CPPED1: variants seen among roughly 807,000 people sequenced by gnomAD.
The protein encoded by CPPED1 is serine/threonine-protein phosphatase CPPED1.
Under a neutral mutation model 28.0 loss-of-function variants are expected in CPPED1, and 28 were observed. The ratio of observed to expected loss-of-function variants is 1.00; its 90% CI spans 0.74 to 1.37. CPPED1 has a LOEUF of 1.37. Ranked by LOEUF, CPPED1 falls within the 40% of genes most tolerant of loss-of-function variation. The pLI is 0.00. For missense variants in CPPED1, 504 were observed against 416.5 expected (o/e 1.21, Z -1.83); for synonymous variants, 198 against 180.2 (o/e 1.10, Z -0.79).
At position 12,704,867 on chromosome 16, in the gene CPPED1, C is replaced by T. The variant is rs145004672; in HGVS notation, c.472G>A (p.Val158Ile). 1,660 of 1,614,136 alleles carry T rather than the reference C, an allele frequency of 1.0e-3. 13 individuals are homozygous for T. In the African/African-American group the frequency reaches 0.016, roughly 15 times the overall value. Residue 158 changes from valine to isoleucine, a missense_variant, in exon 3 of 4, where the codon GTC becomes ATC. Val to Ile is a conservative substitution (Grantham distance 29, BLOSUM62 3). Transcript: ENST00000381774. ...TGGGAGTTGAGGACCAGGAACAGGACGCCCCCGACCCAGAAGCTGAAGTAG... is the reference window on the plus strand; with the variant it reads ...TGGGAGTTGAGGACCAGGAACAGGATGCCCCCGACCCAGAAGCTGAAGTAG... Reference protein sequence around the residue: ...DDYFSFWVGGVLFLVLNSQFY... With the variant: ...DDYFSFWVGGILFLVLNSQFY...
At chr16:12,681,611 G>A (rs1009186660) in intron 3 of CPPED1, among the ~76,000 whole-genome samples, 1 of 152,154 alleles carries the variant, frequency 6.6e-6, no homozygotes. Context: ...GAATGTGGGA[G>A]ATGGGGATGG....
intron 3 of CPPED1, among the ~76,000 whole-genome samples, chr16:12,698,532 A>G (rs1009319498): frequency 6.6e-6 from 1 of 152,058 alleles, no homozygotes; most frequent in Non-Finnish European, 1.5e-5. Context: ...CCAGGGTTCA[A>G]GCGATTCTTC....
intron 2 of CPPED1, among the ~76,000 whole-genome samples, chr16:12,742,155 G>C (rs559351766): frequency 6.6e-6 from 1 of 152,178 alleles, no homozygotes; most frequent in African/African-American, 2.4e-5. Flanking sequence ...ATGTGGAAAT[G>C]ACCATGATAC....
chr16:12,785,716 G>A (rs1288779381), intron 1 of CPPED1, among the ~76,000 whole-genome samples: 1 of 152,142 alleles, frequency 6.6e-6, no homozygotes, highest in Non-Finnish European at 1.5e-5. Context: ...TTATAGGCAT[G>A]AGCCACCACA....
chr16:12,734,352 G>C (rs1160914454), intron 2 of CPPED1, among the ~76,000 whole-genome samples: 2 of 151,246 alleles, frequency 1.3e-5, no homozygotes, highest in African/African-American at 4.9e-5. Context: ...TTACAGGCAT[G>C]AGTCACTGCA....
intron 2 of CPPED1, among the ~76,000 whole-genome samples, chr16:12,771,889 A>AAGGC (rs1170640173): frequency 5.3e-5 from 8 of 152,170 alleles, no homozygotes; most frequent in Admixed American, 5.2e-4. Context: ...TTGGGAGGCC[A>AAGGC]AGGCAGGTGC....
intron 2 of CPPED1, among the ~76,000 whole-genome samples, chr16:12,706,904 G>C (rs1479446997): frequency 1.3e-5 from 2 of 152,214 alleles, no homozygotes; most frequent in Non-Finnish European, 2.9e-5. Flanking sequence ...CTGAAGCCTA[G>C]TGGAGGGAGC....
At chr16:12,726,233 G>T (rs1374005238) in intron 2 of CPPED1, among the ~76,000 whole-genome samples, 1 of 151,710 alleles carries the variant, frequency 6.6e-6, no homozygotes, top group African/African-American at 2.4e-5. Context: ...GTAGAGATGG[G>T]GTATCACTGT....
intron 3 of CPPED1, among the ~76,000 whole-genome samples, chr16:12,681,638 A>G (rs1212063924): frequency 6.6e-6 from 1 of 152,206 alleles, no homozygotes; most frequent in African/African-American, 2.4e-5. Context: ...AGTGGCCTAG[A>G]AAACACCTAG....
intron 2 of CPPED1, among the ~76,000 whole-genome samples, chr16:12,764,004 C>T (rs571297384): frequency 1.3e-5 from 2 of 149,670 alleles, no homozygotes; most frequent in Admixed American, 6.7e-5. Flanking sequence ...GGTATTTAAA[C>T]ATTGTGTCTT....
In CPPED1 at chr16:12,661,969, C is replaced by T. The variant is rs1185672073; in HGVS notation, c.*2917G>A. 1 of 152,250 alleles carries T rather than the reference C, an allele frequency of 6.6e-6. No individual in the cohort carries two copies. The highest frequency in any genetic ancestry group is 2.4e-5 in the African/African-American group (1 of 41,448). The allele number at this position is 152,250 out of a possible 1,614,324, so 9.4% of individuals were successfully genotyped here. A position where few individuals can be genotyped will look rare whatever the true frequency, so the allele number is the denominator to read the frequency against. On this transcript the variant is annotated 3_prime_UTR_variant, in exon 4 of 4. Coordinates refer to ENST00000381774, the MANE Select transcript of CPPED1 (RefSeq NM_018340.3). ...TGGCTGAGCTGGTGCAACCTTTCAC[C>T]TCTGAGAAACGTTTTCCAAGACAGG... is the stretch of plus-strand genomic sequence containing the variant.
rs201377568 is a variant in CPPED1, at chr16:12,781,296, C to A, written c.178G>T (p.Glu60Ter). ...STGDCDNGGD[E>*]WEQEIRLTEQ... ...GTTAGACGGATCTCCTGTTCCCATT[C>A]GTCACCGCCATTGTCACAGTCCCCA... Residue 60 changes from glutamate to a stop codon, truncating the protein, a stop_gained, in exon 2 of 4, where the codon GAA becomes TAA. Transcript: ENST00000381774. LOFTEE classifies it high-confidence loss of function. 2 of 1,614,002 alleles carry A rather than the reference C, an allele frequency of 1.2e-6. No homozygotes were observed. Among genetic ancestry groups the A allele is most frequent in the Non-Finnish European group, 1.7e-6 (2 of 1,180,026 alleles).
At chr16:12,690,339 C>T in intron 3 of CPPED1, among the ~76,000 whole-genome samples, 1 of 150,306 alleles carries the variant, frequency 6.7e-6, no homozygotes, top group South Asian at 2.1e-4. Context: ...CACGGTGAAA[C>T]CCAGTCTTTA....
intron 3 of CPPED1, among the ~76,000 whole-genome samples, chr16:12,676,275 G>T (rs1238866936): frequency 1.3e-5 from 2 of 152,174 alleles, no homozygotes; most frequent in African/African-American, 2.4e-5. Flanking sequence ...CTTGGTGCCA[G>T]GTATTAAGGA....
At chr16:12,766,994 G>C (rs1207833154) in intron 2 of CPPED1, among the ~76,000 whole-genome samples, 1 of 131,612 alleles carries the variant, frequency 7.6e-6, no homozygotes, top group African/African-American at 3.0e-5. Flanking sequence ...TGGTTGCTCA[G>C]AGGTCCTCAT....
At chr16:12,680,812 C>T (rs369152334) in intron 3 of CPPED1, among the ~76,000 whole-genome samples, 9 of 152,176 alleles carry the variant, frequency 5.9e-5, no homozygotes, top group African/African-American at 1.7e-4. Flanking sequence ...GATGGGTCCA[C>T]GTGCTCCTGG....
At chr16:12,803,134 G>T (rs146175747) in intron 1 of CPPED1, among the ~76,000 whole-genome samples, 2 of 152,342 alleles carry the variant, frequency 1.3e-5, no homozygotes, top group Non-Finnish European at 2.9e-5. Flanking sequence ...AGGCAAAGCA[G>T]ATAATCTAAA....
intron 2 of CPPED1, chr16:12,745,838 C>T (rs932488062): frequency 7.9e-5 from 12 of 152,058 alleles, no homozygotes; most frequent in African/African-American, 2.7e-4. Flanking sequence ...ACATGTATCC[C>T]TAAACCTAAA....
chr16:12,760,925 A>G (rs2080405487), intron 2 of CPPED1: 1 of 152,100 alleles, frequency 6.6e-6, no homozygotes, highest in African/African-American at 2.4e-5. Flanking sequence ...CCTGATGGAG[A>G]CATAGTGACA....
Sources: allele counts gnomAD v4.1 joint callset (sites outside exome capture counted in the v4.1 genomes callset), GRCh38; gene constraint gnomAD v4.1.1; transcripts MANE v1.5; gene names NCBI Gene and HGNC (gene_info 2026-07-23, HGNC 2026-07-21).